SLC6A16: variants seen among roughly 807,000 people sequenced by gnomAD.
SLC6A16 encodes the protein solute carrier family 6 member 16.
Under a neutral mutation model 65.4 loss-of-function variants are expected in SLC6A16, and 54 were observed. That is an observed-to-expected ratio of 0.83 (90% confidence interval 0.66 to 1.04). The LOEUF is 1.04. Among genes scored for constraint, SLC6A16 ranks in the 50% least tolerant of loss-of-function variants. SLC6A16 has a pLI of 0.00. For synonymous variants in SLC6A16, 330 were observed against 346.5 expected (o/e 0.95, Z 0.53); for missense variants, 816 against 914.0 (o/e 0.89, Z 1.38).
intron 1 of SLC6A16, among the ~76,000 whole-genome samples, chr19:49,323,372 A>G (rs1392088430): frequency 6.6e-6 from 1 of 152,214 alleles, no homozygotes; most frequent in African/African-American, 2.4e-5. Flanking sequence ...GATTTCATTA[A>G]AATGTTTTAA....
chr19:49,303,243 G>A (rs377122077), intron 7 of SLC6A16, among the ~76,000 whole-genome samples: 1 of 152,142 alleles, frequency 6.6e-6, no homozygotes, highest in African/African-American at 2.4e-5. Context: ...ACATATAAGG[G>A]AGCCCCAGTA....
Position 49,290,693 on chromosome 19 carries a change from C to A in SLC6A16, c.1853G>T (p.Cys618Phe). Residue 618 changes from cysteine to phenylalanine, a missense_variant, in exon 11 of 12, where the codon TGT becomes TTT. Physicochemically the swap from Cys to Phe is radical, Grantham distance 205. Coordinates refer to ENST00000335875, the MANE Select transcript of SLC6A16 (RefSeq NM_014037.3). The stretch of plus-strand genomic sequence containing the variant: ...AAAGATGATTAGCAGCACAACTGGA[C>A]ACAGATGGGGCCACAGCCAACCAAA... ...PIFGWLWPHLCPVVLLIIFVT... is the reference protein window; with the variant it reads ...PIFGWLWPHLFPVVLLIIFVT... 1 of 1,613,906 alleles carries A rather than the reference C, an allele frequency of 6.2e-7. No homozygotes were observed. The highest frequency in any genetic ancestry group is 8.5e-7 in the Non-Finnish European group (1 of 1,179,928).
At chr19:49,338,997 G>C in the SLC6A16 span, 1 of 1,317,374 alleles carries the variant, frequency 7.6e-7, no homozygotes, top group Non-Finnish European at 1.1e-6. This position sits in a 1 kb window ranked among gnomAD's most constrained non-coding sequence, Gnocchi z 5.0. Flanking sequence ...GAGGGGGAGG[G>C]CTGTCAGTGA....
At chr19:49,339,420 T>G in the SLC6A16 span, 1 of 1,612,624 alleles carries the variant, frequency 6.2e-7, no homozygotes, top group Non-Finnish European at 8.5e-7. This position sits in a 1 kb window ranked among gnomAD's most constrained non-coding sequence, Gnocchi z 4.5. Context: ...CGAGGTGATC[T>G]GGCCCCGCCC....
intron 1 of SLC6A16, among the ~76,000 whole-genome samples, chr19:49,322,171 C>T (rs1970722445): frequency 6.6e-6 from 1 of 152,022 alleles, no homozygotes; most frequent in Non-Finnish European, 1.5e-5. Context: ...CGTAGAAAAT[C>T]CTAAAATTTT....
At position 49,290,342 on chromosome 19, in the gene SLC6A16, GATC is replaced by G. The variant is rs758687413; in HGVS notation, c.1989_1991del (p.Met663del). 8.1e-6 allele frequency: 13 copies of G among 1,613,914 alleles called. No homozygotes were observed. In the African/African-American group the frequency reaches 1.6e-4, roughly 20 times the overall value. The stretch of plus-strand genomic sequence containing the variant: ...GGAGGATGACAATGGCAAAAAGGGT[GATC>G]ATCAAGAGCAGTGCCCACGGTGGGT... On this transcript the variant is annotated inframe_deletion, in exon 12 of 12. Transcript: ENST00000335875.
At chr19:49,308,028 T>G (rs557430622) in intron 7 of SLC6A16, among the ~76,000 whole-genome samples, 1,559 of 151,312 alleles carry the variant, frequency 0.01, 27 homozygotes, top group African/African-American at 0.036. Context: ...GATGGATGTT[T>G]TTGGAATTAA....
intron 7 of SLC6A16, among the ~76,000 whole-genome samples, chr19:49,303,163 G>A (rs1970319588): frequency 6.6e-6 from 1 of 152,156 alleles, no homozygotes; most frequent in African/African-American, 2.4e-5. Flanking sequence ...AGTTCATTGA[G>A]ACATATTATA....
the SLC6A16 span, among the ~76,000 whole-genome samples, chr19:49,333,793 A>C: frequency 6.6e-6 from 1 of 152,128 alleles, no homozygotes; most frequent in African/African-American, 2.4e-5. Context: ...TCATGACTAG[A>C]TAGATGGTGG....
At chr19:49,315,491 T>C (rs1292942915) in intron 1 of SLC6A16, among the ~76,000 whole-genome samples, 1 of 152,104 alleles carries the variant, frequency 6.6e-6, no homozygotes, top group East Asian at 1.9e-4. Context: ...AAAAATTAGG[T>C]ACAAAAATCC....
the SLC6A16 span, chr19:49,335,325 G>A: frequency 5.1e-6 from 3 of 586,250 alleles, no homozygotes; most frequent in Non-Finnish European, 9.1e-6. This position sits in a 1 kb window ranked among gnomAD's most constrained non-coding sequence, Gnocchi z 4.6. Context: ...TGGAGCAGGT[G>A]AGGGAGACAG....
At position 49,292,095 on chromosome 19, in the gene SLC6A16, C is replaced by T. The variant is rs1053517413; in HGVS notation, c.1778+1128G>A. Among the ~76,000 whole-genome samples the T allele has an allele frequency of 4.6e-5, 7 of 152,252 alleles. No homozygotes were observed. Among genetic ancestry groups the T allele is most frequent in the South Asian group, 2.1e-4 (1 of 4,826 alleles). ...GAAATATTACATAGCTTTCACCAGG[C>T]GGGGTGGCTCACGCATGTAATCCTA... On this transcript the variant is annotated intron_variant, in intron 10 of 11. Coordinates refer to ENST00000335875, the MANE Select transcript of SLC6A16 (RefSeq NM_014037.3). The surrounding 1 kb of genome is among the most constrained non-coding windows in gnomAD (Gnocchi z 4.3).
At chr19:49,298,235 T>C (rs1970220119) in intron 7 of SLC6A16, among the ~76,000 whole-genome samples, 2 of 152,182 alleles carry the variant, frequency 1.3e-5, no homozygotes, top group Admixed American at 1.3e-4. Context: ...TAAAAGCACT[T>C]GCAACAACAA....
At chr19:49,293,796 A>G (rs1449869873) in intron 9 of SLC6A16, 31 bp downstream of exon 9, 1 of 1,592,164 alleles carries the variant, frequency 6.3e-7, no homozygotes, top group African/African-American at 1.3e-5. Flanking sequence ...GGTCAGGGTC[A>G]TTGTTAGGAG....
chr19:49,335,229 A>G, the SLC6A16 span: 3 of 389,870 alleles, frequency 7.7e-6, no homozygotes, highest in East Asian at 1.5e-4. This position sits in a 1 kb window ranked among gnomAD's most constrained non-coding sequence, Gnocchi z 4.6. Context: ...AGCGCCTGAG[A>G]CATGGAGACC....
At chr19:49,339,454 C>A in the SLC6A16 span, 1 of 1,581,486 alleles carries the variant, frequency 6.3e-7, no homozygotes, top group Admixed American at 1.7e-5. The surrounding 1 kb of genome is among the most constrained non-coding windows in gnomAD (Gnocchi z 4.5). Context: ...GCCCTAAATC[C>A]CTAGATGGCC....
the SLC6A16 span, chr19:49,339,732 C>T: frequency 1.4e-6 from 2 of 1,398,904 alleles, no homozygotes; most frequent in Non-Finnish European, 9.2e-7. This position sits in a 1 kb window ranked among gnomAD's most constrained non-coding sequence, Gnocchi z 4.5. Context: ...ACGTGCCGGG[C>T]GCTGGGGATT....
At position 49,294,487 on chromosome 19, in the gene SLC6A16, G is replaced by A. The variant is rs772604231; in HGVS notation, c.1296C>T (p.Val432=). ...TGGAGGTTGGGTTGTAAAGCAGGTT[G>A]ACAGGGGGCTTGGCATCAGGAGGCA... is the stretch of plus-strand genomic sequence containing the variant. ...GKLPPDAKPP[V]NLLYNPTSIY... The change falls in exon 8 of 12, where the codon GTC becomes GTT. Residue 432 remains valine (V), a synonymous_variant. Coordinates refer to ENST00000335875, the MANE Select transcript of SLC6A16 (RefSeq NM_014037.3). 6.2e-7 allele frequency: 1 copy of A among 1,614,060 alleles called. No homozygotes were observed. Among genetic ancestry groups the A allele is most frequent in the Non-Finnish European group, 8.5e-7 (1 of 1,180,002 alleles).
chr19:49,338,527 G>T, the SLC6A16 span, among the ~76,000 whole-genome samples: 1 of 151,512 alleles, frequency 6.6e-6, no homozygotes, highest in Non-Finnish European at 1.5e-5. The surrounding 1 kb of genome is among the most constrained non-coding windows in gnomAD (Gnocchi z 5.0). Context: ...CCATGTTCCC[G>T]TAATGTCCCC....
Sources: allele counts gnomAD v4.1 joint callset (sites outside exome capture counted in the v4.1 genomes callset), GRCh38; gene constraint gnomAD v4.1.1; non-coding constraint Gnocchi (gnomAD v3.1); transcripts MANE v1.5; gene names NCBI Gene and HGNC (gene_info 2026-07-23, HGNC 2026-07-21).